FBXO42: variants seen among roughly 807,000 people sequenced by gnomAD.
FBXO42 encodes the protein F-box only protein 42.
FBXO42 carries 12 observed loss-of-function variants against 71.7 expected under a neutral mutation model. The observed-to-expected ratio is 0.17, with a 90% confidence interval of 0.11 to 0.27. FBXO42 has a LOEUF of 0.27. Ranked by LOEUF, FBXO42 falls within the 10% of genes least tolerant of loss-of-function variation. The pLI is 1.00. For synonymous variants in FBXO42, 325 were observed against 327.5 expected, an observed-to-expected ratio of 0.99 and a Z score of 0.08; for missense variants, 707 against 911.9, an observed-to-expected ratio of 0.78 and a Z score of 2.89.
chr1:16,313,930 A>T (rs1169135681), intron 2 of FBXO42, among the ~76,000 whole-genome samples: 1 of 152,212 alleles, frequency 6.6e-6, no homozygotes, highest in East Asian at 1.9e-4. Flanking sequence ...CTAAACATTT[A>T]GCAAAAAGTT....
chr1:16,257,005 A>T (rs1043971264), intron 4 of FBXO42, among the ~76,000 whole-genome samples: 1 of 152,234 alleles, frequency 6.6e-6, no homozygotes, highest in Non-Finnish European at 1.5e-5. Context: ...TCTCATGTTT[A>T]TAATTTGCTC....
chr1:16,334,437 A>C (rs908741921), intron 1 of FBXO42, among the ~76,000 whole-genome samples: 5 of 151,834 alleles, frequency 3.3e-5, no homozygotes, highest in African/African-American at 9.7e-5. Context: ...AAAAAAAAAA[A>C]AAACAGACTG....
At chr1:16,322,501 G>A (rs2082416352) in intron 1 of FBXO42, among the ~76,000 whole-genome samples, 1 of 152,144 alleles carries the variant, frequency 6.6e-6, no homozygotes, top group African/African-American at 2.4e-5. Context: ...GCTTGAACCT[G>A]GGAGGCGGAG....
At chr1:16,348,019 A>G (rs1024088552) in intron 1 of FBXO42, among the ~76,000 whole-genome samples, 4 of 151,564 alleles carry the variant, frequency 2.6e-5, no homozygotes, top group African/African-American at 9.7e-5. Flanking sequence ...AGAAAAAAAG[A>G]AAAGAAAGAC....
chr1:16,285,309 T>C (rs1171802618), intron 4 of FBXO42, among the ~76,000 whole-genome samples: 1 of 152,002 alleles, frequency 6.6e-6, no homozygotes, highest in Non-Finnish European at 1.5e-5. Flanking sequence ...TCCCATGCTC[T>C]GTTGCCCAGG....
At chr1:16,311,911 A>G (rs986820818) in intron 2 of FBXO42, among the ~76,000 whole-genome samples, 3 of 152,312 alleles carry the variant, frequency 2.0e-5, no homozygotes, top group Admixed American at 6.5e-5. Flanking sequence ...AAACACCTGC[A>G]CATGGATGCT....
chr1:16,303,140 A>T (rs1569888293), intron 3 of FBXO42, among the ~76,000 whole-genome samples: 3 of 152,236 alleles, frequency 2.0e-5, no homozygotes, highest in Admixed American at 2.0e-4. Flanking sequence ...ATGTGGCTGA[A>T]GTCTGGCTAC....
chr1:16,291,721 G>C (rs1369633568), intron 4 of FBXO42, among the ~76,000 whole-genome samples: 1 of 152,016 alleles, frequency 6.6e-6, no homozygotes, highest in East Asian at 1.9e-4. Context: ...ACTCAGGCTA[G>C]AGTGCAGTGG....
chr1:16,274,456 G>C (rs576898578), intron 4 of FBXO42, among the ~76,000 whole-genome samples: 67 of 152,032 alleles, frequency 4.4e-4, no homozygotes, highest in Non-Finnish European at 7.2e-4. Flanking sequence ...GAAAGTTTTC[G>C]TATCTTGATC....
rs35806590 is a variant in FBXO42, at chr1:16,260,209, C to CT, written c.503-3451dup. The stretch of plus-strand genomic sequence containing the variant: ...TCTACATCTATTATGTACTATGCAG[C>CT]TTTTTTTTTTTTTTTTTGAGACAGA... On this transcript the variant is annotated intron_variant, in intron 4 of 9. Coordinates refer to ENST00000375592, the MANE Select transcript of FBXO42 (RefSeq NM_018994.3). Among the ~76,000 whole-genome samples the CT allele has an allele frequency of 6.8e-3, 855 of 125,398 alleles. 3 individuals are homozygous for CT. The highest frequency in any genetic ancestry group is 0.018 in the African/African-American group (619 of 34,560). The allele number at this position is 125,398 out of a possible 152,430, so 82.3% of individuals were successfully genotyped here. A position where few individuals can be genotyped will look rare whatever the true frequency, so the allele number is the denominator to read the frequency against.
chr1:16,264,080 G>T (rs1286492902), intron 4 of FBXO42, among the ~76,000 whole-genome samples: 2 of 151,850 alleles, frequency 1.3e-5, no homozygotes, highest in Non-Finnish European at 2.9e-5. Context: ...CAAAGTGCAG[G>T]GATTACAGGC....
chr1:16,305,013 T>C (rs2082234781), intron 3 of FBXO42, among the ~76,000 whole-genome samples: 1 of 152,124 alleles, frequency 6.6e-6, no homozygotes, highest in Admixed American at 6.6e-5. Flanking sequence ...CTGCCTACAA[T>C]ATATTTAGGC....
intron 4 of FBXO42, among the ~76,000 whole-genome samples, chr1:16,281,357 C>A (rs2081961414): frequency 6.6e-6 from 1 of 152,204 alleles, no homozygotes; most frequent in Non-Finnish European, 1.5e-5. Context: ...CTGGGCGAAC[C>A]AGCACCTCAT....
At position 16,306,022 on chromosome 1, in the gene FBXO42, CT is replaced by C. The variant is rs374649779; in HGVS notation, c.251-104del. On this transcript the variant is annotated intron_variant, in intron 2 of 9. Transcript: ENST00000375592. The stretch of plus-strand genomic sequence containing the variant: ...GTTTTTATCATTTTTATACAAGTTT[CT>C]TTTTTTTTTCTTTTTTTGAGATGGA... 4.7e-3 allele frequency: 3,827 copies of C among 809,714 alleles called. 38 individuals carry two copies. Among genetic ancestry groups the C allele is most frequent in the African/African-American group, 0.038 (2,132 of 56,308 alleles). The allele number at this position is 809,714 out of a possible 1,614,324, so 50.2% of individuals were successfully genotyped here. A position where few individuals can be genotyped will look rare whatever the true frequency, so the allele number is the denominator to read the frequency against.
At chr1:16,255,575 T>TC in intron 6 of FBXO42, 136 bp downstream of exon 6, 3 of 645,370 alleles carry the variant, frequency 4.6e-6, no homozygotes, top group Non-Finnish European at 7.8e-6. Context: ...CCTCAGGTGA[T>TC]CCACCCACCT....
In FBXO42 at chr1:16,256,599, G is replaced by A; in HGVS notation, c.656+7C>T. On this transcript the variant is annotated splice_region_variant and intron_variant, in intron 5 of 9. Coordinates refer to ENST00000375592, the MANE Select transcript of FBXO42 (RefSeq NM_018994.3). ...CCAGATTTAAAGAGTTTATCTTTGT[G>A]ACTTACCAATTTTTAGAGGGTGAGT... 2 of 1,612,976 alleles carry A rather than the reference G, an allele frequency of 1.2e-6. No homozygotes were observed. Among genetic ancestry groups the A allele is most frequent in the South Asian group, 2.2e-5 (2 of 90,906 alleles).
At chr1:16,345,995 G>A (rs1207993199) in intron 1 of FBXO42, among the ~76,000 whole-genome samples, 2 of 152,122 alleles carry the variant, frequency 1.3e-5, no homozygotes, top group Non-Finnish European at 2.9e-5. Context: ...ATATCAGAAG[G>A]ACACACTACC....
At chr1:16,264,570 A>G (rs777881772) in intron 4 of FBXO42, among the ~76,000 whole-genome samples, 3 of 152,208 alleles carry the variant, frequency 2.0e-5, no homozygotes, top group Non-Finnish European at 2.9e-5. Context: ...ATGTGCCCAC[A>G]TCAAGCGTAG....
chr1:16,317,286 C>T (rs529552513), intron 1 of FBXO42, among the ~76,000 whole-genome samples: 4 of 152,032 alleles, frequency 2.6e-5, no homozygotes, highest in East Asian at 1.9e-4. Context: ...GGCGTGGTAG[C>T]GTATGCCTGC....
Sources: gnomAD v4.1 joint callset for allele counts (sites outside exome capture counted in the v4.1 genomes callset) on GRCh38, gnomAD v4.1.1 for gene constraint, MANE v1.5 for transcripts, NCBI Gene and HGNC (gene_info 2026-07-23, HGNC 2026-07-21) for gene names.